Variants in KCNJ6 observed in about 807,000 individuals in gnomAD.
KCNJ6 encodes potassium inwardly rectifying channel subfamily J member 6.
Under a neutral mutation model 34.2 loss-of-function variants are expected in KCNJ6, and 9 were observed. The ratio of observed to expected loss-of-function variants is 0.26; its 90% CI spans 0.16 to 0.46. The LOEUF (loss-of-function observed/expected upper bound fraction) is 0.46, where lower values mean the gene tolerates loss of function less well. Among genes scored for constraint, KCNJ6 ranks in the 20% least tolerant of loss-of-function variants. The pLI, the probability that KCNJ6 is intolerant of heterozygous loss-of-function variation, is 1.00. For synonymous variants in KCNJ6, 196 were observed against 207.1 expected (o/e 0.95, Z 0.46); for missense variants, 236 against 531.3 (o/e 0.44, Z 5.46).
chr21:37,782,872 G>T (rs1470660788), intron 2 of KCNJ6, among the ~76,000 whole-genome samples: 2 of 152,150 alleles, frequency 1.3e-5, no homozygotes, highest in African/African-American at 4.8e-5. Context: ...CTCCCTTTCA[G>T]TCTGAAATGT....
chr21:37,899,257 A>G (rs900617590), intron 1 of KCNJ6, among the ~76,000 whole-genome samples: 2 of 152,190 alleles, frequency 1.3e-5, no homozygotes, highest in Admixed American at 6.5e-5. Flanking sequence ...GGTAGAAATC[A>G]TGACATCGCT....
At chr21:37,853,160 A>AC in intron 1 of KCNJ6, among the ~76,000 whole-genome samples, 1 of 151,524 alleles carries the variant, frequency 6.6e-6, no homozygotes, top group Non-Finnish European at 1.5e-5. Context: ...AAAAAAAAAA[A>AC]CAACTACAGA....
At chr21:37,791,672 C>G (rs2055217485) in intron 2 of KCNJ6, among the ~76,000 whole-genome samples, 1 of 152,178 alleles carries the variant, frequency 6.6e-6, no homozygotes, top group Non-Finnish European at 1.5e-5. Flanking sequence ...TATTGGCCAC[C>G]TGTCTTCCTT....
chr21:37,848,704 G>A (rs2055522541), intron 1 of KCNJ6, among the ~76,000 whole-genome samples: 1 of 152,224 alleles, frequency 6.6e-6, no homozygotes, highest in African/African-American at 2.4e-5. Context: ...TGAGTTCGTA[G>A]ATGGCAGGAG....
intron 1 of KCNJ6, among the ~76,000 whole-genome samples, chr21:37,865,006 A>AG (rs2055615286): frequency 6.6e-6 from 1 of 151,948 alleles, no homozygotes; most frequent in African/African-American, 2.4e-5. Flanking sequence ...TGCCTGGCCC[A>AG]GAAAAAGATG....
chr21:37,811,549 T>C (rs866451748), intron 2 of KCNJ6, among the ~76,000 whole-genome samples: 18 of 152,306 alleles, frequency 1.2e-4, no homozygotes, highest in Non-Finnish European at 1.8e-4. Flanking sequence ...TTGGTGGATG[T>C]GGGAAAGAGC....
chr21:37,756,916 CTGG>C (rs1163526844), intron 2 of KCNJ6, among the ~76,000 whole-genome samples: 5 of 105,666 alleles, frequency 4.7e-5, no homozygotes, highest in Non-Finnish European at 7.9e-5. Context: ...TGATTCCAGC[CTGG>C]AGTGAGCACT....
At chr21:37,688,540 G>A (rs1454757447) in intron 3 of KCNJ6, among the ~76,000 whole-genome samples, 1 of 152,168 alleles carries the variant, frequency 6.6e-6, no homozygotes, top group African/African-American at 2.4e-5. Context: ...GAGCAGGAGG[G>A]ACAGGGCATG....
chr21:37,658,321 T>C (rs1169826064), intron 3 of KCNJ6, among the ~76,000 whole-genome samples: 1 of 152,242 alleles, frequency 6.6e-6, no homozygotes, highest in African/African-American at 2.4e-5. Flanking sequence ...ATGAGAAAAC[T>C]GAGGTTTCTT....
At position 37,624,078 on chromosome 21, in the gene KCNJ6, A is replaced by G. The variant is rs1215641757; in HGVS notation, c.*1081T>C. The G allele has an allele frequency of 6.6e-6, 1 of 152,248 alleles. No homozygotes were observed. The highest frequency in any genetic ancestry group is 2.4e-5 in the African/African-American group (1 of 41,470). 9.4% of individuals were successfully genotyped at this position (152,248 alleles called of 1,614,324 possible). Reference sequence around the variant, plus strand: ...AAAGTTTCCTAAATTATTGTACTACAAAGGGCAAGAGCTCATGTGAAAAGT... The same window carrying G: ...AAAGTTTCCTAAATTATTGTACTACGAAGGGCAAGAGCTCATGTGAAAAGT... On this transcript the variant is annotated 3_prime_UTR_variant, in exon 4 of 4. Coordinates refer to ENST00000609713, the MANE Select transcript of KCNJ6 (RefSeq NM_002240.5).
intron 2 of KCNJ6, among the ~76,000 whole-genome samples, chr21:37,806,941 T>C (rs1196265285): frequency 2.0e-5 from 3 of 152,354 alleles, no homozygotes; most frequent in East Asian, 3.9e-4. Context: ...ACAGATTATA[T>C]TGTTTTATTA....
Position 37,657,279 on chromosome 21 carries a change from G to T in KCNJ6, c.947-31795C>A, listed in dbSNP as rs1017104970. On this transcript the variant is annotated intron_variant, in intron 3 of 3. Coordinates refer to ENST00000609713, the MANE Select transcript of KCNJ6 (RefSeq NM_002240.5). The stretch of plus-strand genomic sequence containing the variant: ...GGGGATGGGACTTGGGGAGCTGGTT[G>T]GGGTGAACCTACACACGTCACCAAT... 1.6e-4 allele frequency among the ~76,000 whole-genome samples: 25 copies of T among 152,326 alleles called. No individual in the cohort carries two copies. In the East Asian group the frequency reaches 4.8e-3, roughly 29 times the overall value.
chr21:37,844,375 G>T (rs558424609), intron 1 of KCNJ6, among the ~76,000 whole-genome samples: 52 of 152,164 alleles, frequency 3.4e-4, no homozygotes, highest in Admixed American at 1.4e-3. Flanking sequence ...ATATTTTAAA[G>T]TTGGTCTTCC....
At chr21:37,649,282 T>A (rs1008246089) in intron 3 of KCNJ6, among the ~76,000 whole-genome samples, 9 of 152,066 alleles carry the variant, frequency 5.9e-5, no homozygotes, top group Non-Finnish European at 1.3e-4. Context: ...ACCCAAGGAA[T>A]CTTGACCTGA....
intron 3 of KCNJ6, among the ~76,000 whole-genome samples, chr21:37,680,291 G>A (rs2054584960): frequency 6.6e-6 from 1 of 152,122 alleles, no homozygotes; most frequent in African/African-American, 2.4e-5. Flanking sequence ...TGAAATGTTG[G>A]GCAAGACCCA....
At chr21:37,741,063 A>C (rs2054939018) in intron 2 of KCNJ6, among the ~76,000 whole-genome samples, 2 of 152,046 alleles carry the variant, frequency 1.3e-5, no homozygotes, top group African/African-American at 4.8e-5. Context: ...AGCGCTCCCT[A>C]TATGTAGATG....
At chr21:37,670,020 T>G (rs1209690103) in intron 3 of KCNJ6, among the ~76,000 whole-genome samples, 5 of 152,230 alleles carry the variant, frequency 3.3e-5, no homozygotes, top group African/African-American at 1.2e-4. Context: ...TAGGTCTTGA[T>G]GCATTTTGAG....
intron 2 of KCNJ6, among the ~76,000 whole-genome samples, chr21:37,738,653 G>C (rs1382024320): frequency 6.6e-6 from 1 of 152,180 alleles, no homozygotes; most frequent in Non-Finnish European, 1.5e-5. Context: ...GGTGCTCCCA[G>C]TCTTAGTGCT....
chr21:37,613,740 C>T lies in KCNJ6; in HGVS notation c.*11419G>A, dbSNP rs943388749. 17 of 152,176 alleles carry T rather than the reference C, an allele frequency of 1.1e-4. No homozygotes were observed. The highest frequency in any genetic ancestry group is 2.4e-4 in the Non-Finnish European group (16 of 68,038). The allele number at this position is 152,176 out of a possible 1,614,324, so 9.4% of individuals were successfully genotyped here. A position where few individuals can be genotyped will look rare whatever the true frequency, so the allele number is the denominator to read the frequency against. ...AAAACTATGGAGACAGTAAATAGAT[C>T]AGTGGTTGCCAGGGGTTGGGAGGAC... On this transcript the variant is annotated 3_prime_UTR_variant, in exon 4 of 4. Transcript: ENST00000609713.
Sources: allele counts gnomAD v4.1 joint callset (sites outside exome capture counted in the v4.1 genomes callset), GRCh38; gene constraint gnomAD v4.1.1; transcripts MANE v1.5; gene names NCBI Gene and HGNC (gene_info 2026-07-23, HGNC 2026-07-21).